Variants in CLEC16A observed in about 807,000 individuals in gnomAD.
The protein encoded by CLEC16A is protein CLEC16A.
A neutral mutation model predicts 109.5 loss-of-function variants in CLEC16A; 51 were observed. The observed-to-expected ratio is 0.47, with a 90% confidence interval of 0.37 to 0.59. CLEC16A has a LOEUF of 0.59. Ranked by LOEUF, CLEC16A falls within the 20% of genes least tolerant of loss-of-function variation. The pLI is 0.00. For synonymous variants in CLEC16A, 673 were observed against 564.2 expected, an observed-to-expected ratio of 1.19 and a Z score of -2.73; for missense variants, 1,339 against 1,394.0, an observed-to-expected ratio of 0.96 and a Z score of 0.63.
At chr16:11,081,090 A>G (rs2049686876) in intron 19 of CLEC16A, among the ~76,000 whole-genome samples, 1 of 152,236 alleles carries the variant, frequency 6.6e-6, no homozygotes, top group South Asian at 2.1e-4. Context: ...GCAGATGAAC[A>G]GGCAGGCAGG....
intron 8 of CLEC16A, among the ~76,000 whole-genome samples, chr16:10,978,177 G>T (rs2043126040): frequency 1.3e-5 from 2 of 152,222 alleles, no homozygotes; most frequent in Admixed American, 6.5e-5. Flanking sequence ...GGCCTGTGGG[G>T]ATGACGGCTG....
At chr16:10,981,185 A>G (rs2043302928) in intron 9 of CLEC16A, among the ~76,000 whole-genome samples, 1 of 152,186 alleles carries the variant, frequency 6.6e-6, no homozygotes, top group Non-Finnish European at 1.5e-5. Context: ...ATGCTTGTGG[A>G]CTGAAAAGAA....
chr16:11,077,964 CGTGTGTGTGTGTGTGTGTGTGTGTGT>C (rs34576806), intron 19 of CLEC16A, among the ~76,000 whole-genome samples: 84 of 135,622 alleles, frequency 6.2e-4, no homozygotes, highest in Middle Eastern at 3.7e-3. Flanking sequence ...CAAAAAAAAA[CGTGTGTGTGTGTGTGTGTGTGTGTGT>C]GTGTGTGTGT....
intron 23 of CLEC16A, among the ~76,000 whole-genome samples, chr16:11,167,100 G>A (rs564547344): frequency 1.0e-3 from 154 of 152,274 alleles, no homozygotes; most frequent in Non-Finnish European, 1.9e-3. Flanking sequence ...GAACCCGGGA[G>A]TGAATGGGAG....
intron 18 of CLEC16A, among the ~76,000 whole-genome samples, chr16:11,053,410 C>T (rs993748455): frequency 1.3e-5 from 2 of 151,842 alleles, no homozygotes; most frequent in Admixed American, 6.6e-5. Context: ...CTCTGTCACC[C>T]AGGTTGGAGT....
chr16:11,119,640 C>T (rs936040894), intron 19 of CLEC16A, among the ~76,000 whole-genome samples: 2 of 152,198 alleles, frequency 1.3e-5, no homozygotes, highest in Non-Finnish European at 2.9e-5. Flanking sequence ...GATCCTCCCT[C>T]CTCGGACTCC....
At chr16:11,074,815 A>G (rs929150845) in intron 19 of CLEC16A, among the ~76,000 whole-genome samples, 1 of 152,208 alleles carries the variant, frequency 6.6e-6, no homozygotes, top group Non-Finnish European at 1.5e-5. Flanking sequence ...ATTCAATTCT[A>G]TGCATTAGAG....
chr16:11,054,345 T>A (rs1026581094), intron 18 of CLEC16A, among the ~76,000 whole-genome samples: 3 of 152,224 alleles, frequency 2.0e-5, no homozygotes, highest in Non-Finnish European at 4.4e-5. Flanking sequence ...GTGCCTGCCT[T>A]TCCAGAGTTA....
In CLEC16A at chr16:11,003,100, T is replaced by G; in HGVS notation, c.1098T>G (p.Ile366Met). Residue 366 changes from isoleucine (I) to methionine (M), a missense_variant, in exon 11 of 24, where the codon ATT becomes ATG. Transcript: ENST00000409790. ...SSAKPSIRCF[I>M]KPTETLERSL... ...CCAAGCCCAGCATTCGGTGCTTCAT[T>G]AAACCCACCGAGACACTCGAGCGGT... The G allele has an allele frequency of 6.2e-7, 1 of 1,608,630 alleles. No homozygotes were observed. Among genetic ancestry groups the G allele is most frequent in the South Asian group, 1.1e-5 (1 of 90,662 alleles).
chr16:10,986,204 G>T (rs1460229929), intron 10 of CLEC16A, among the ~76,000 whole-genome samples: 3 of 151,072 alleles, frequency 2.0e-5, no homozygotes, highest in Admixed American at 6.6e-5. Context: ...CTCATTTTTT[G>T]TATTTTTAGT....
chr16:11,117,994 G>T (rs1466955399), intron 19 of CLEC16A, among the ~76,000 whole-genome samples: 2 of 150,908 alleles, frequency 1.3e-5, no homozygotes, highest in African/African-American at 2.4e-5. Context: ...TTTTTTTTTA[G>T]ACAGGGTCTC....
At chr16:11,012,904 C>T (rs1597042111) in intron 11 of CLEC16A, among the ~76,000 whole-genome samples, 2 of 152,218 alleles carry the variant, frequency 1.3e-5, no homozygotes, top group African/African-American at 2.4e-5. Context: ...TATTTTCCAA[C>T]TCGCATATTT....
intron 22 of CLEC16A, chr16:11,126,395 C>G (rs1311554476): frequency 1.4e-6 from 2 of 1,432,928 alleles, no homozygotes; most frequent in African/African-American, 2.9e-5. Flanking sequence ...AAGAACTTCT[C>G]AGAATTGACT....
intron 22 of CLEC16A, among the ~76,000 whole-genome samples, chr16:11,130,975 G>C (rs947666266): frequency 6.6e-6 from 1 of 152,170 alleles, no homozygotes; most frequent in Admixed American, 6.5e-5. Flanking sequence ...GTATAAATCA[G>C]GGCTAATAGG....
At chr16:10,997,617 A>G (rs2044406984) in intron 10 of CLEC16A, among the ~76,000 whole-genome samples, 1 of 152,242 alleles carries the variant, frequency 6.6e-6, no homozygotes. Context: ...TGCTGGTAAT[A>G]AAAGTTTCTA....
rs553908511 is a variant in CLEC16A at position 11,001,666 on chromosome 16, C to G, written c.1072-1408C>G. On this transcript the variant is annotated intron_variant, in intron 10 of 23. Transcript: ENST00000409790. ...AGCATGAACCACAGTTGACACTAGC[C>G]TCATTCTGTCGCCCAGGCTGGATGG... Among the ~76,000 whole-genome samples the G allele has an allele frequency of 1.4e-4, 21 of 152,194 alleles. No individual in the cohort carries two copies. The South Asian group carries it at 4.4e-3, about 32-fold the overall frequency.
rs553492530 is a variant in CLEC16A, at chr16:11,079,293, C to G, written c.2116+18271C>G. On this transcript the variant is annotated intron_variant, in intron 19 of 23. Transcript: ENST00000409790. ...TTGTTTCAGGCAGTCATAAAAATGC[C>G]TTAGGAGTAGAGACTGTCCAGGCCA... is the stretch of plus-strand genomic sequence containing the variant. Among the ~76,000 whole-genome samples, 4 of 152,338 alleles carry G rather than the reference C, an allele frequency of 2.6e-5. No individual in the cohort carries two copies. In the East Asian group the frequency reaches 7.7e-4, roughly 29 times the overall value.
intron 19 of CLEC16A, among the ~76,000 whole-genome samples, chr16:11,091,222 G>A (rs1285364246): frequency 1.3e-5 from 2 of 152,220 alleles, no homozygotes; most frequent in African/African-American, 2.4e-5. Context: ...AAAAGACACA[G>A]GAGATGGATA....
At chr16:11,083,978 C>T (rs2049874342) in intron 19 of CLEC16A, among the ~76,000 whole-genome samples, 1 of 152,202 alleles carries the variant, frequency 6.6e-6, no homozygotes, top group Non-Finnish European at 1.5e-5. Flanking sequence ...TCTGTCCCAG[C>T]CCCCCATTGC....
Sources: gnomAD v4.1 joint callset for allele counts (sites outside exome capture counted in the v4.1 genomes callset) on GRCh38, gnomAD v4.1.1 for gene constraint, MANE v1.5 for transcripts, NCBI Gene and HGNC (gene_info 2026-07-23, HGNC 2026-07-21) for gene names.